Variants in TMBIM6 observed in about 807,000 individuals in gnomAD.
TMBIM6 encodes the protein bax inhibitor 1.
A neutral mutation model predicts 31.4 loss-of-function variants in TMBIM6; 13 were observed. That is an observed-to-expected ratio of 0.41 (90% CI 0.27 to 0.66). The LOEUF (loss-of-function observed/expected upper bound fraction) is 0.66. Ranked by LOEUF, TMBIM6 falls within the 30% of genes least tolerant of loss-of-function variation. The pLI, the probability that TMBIM6 is intolerant of heterozygous loss-of-function variation, is 0.28. For synonymous variants in TMBIM6, 85 were observed against 101.7 expected, an observed-to-expected ratio of 0.84 and a Z score of 0.99; for missense variants, 275 against 289.5, an observed-to-expected ratio of 0.95 and a Z score of 0.36.
intron 4 of TMBIM6, 82 bp downstream of exon 4, chr12:49,755,837 C>CT (rs369987981): frequency 0.15 from 158,693 of 1,085,422 alleles, 923 homozygotes; most frequent in African/African-American, 0.22. Flanking sequence ...CTTTTTTTTT[C>CT]TTTTTTTTTT....
At position 49,753,062 on chromosome 12, in the gene TMBIM6, T is replaced by G. The variant is rs1269636171; in HGVS notation, c.146T>G (p.Met49Arg). Residue 49 changes from methionine to arginine, a missense_variant, in exon 3 of 10, where the codon ATG (methionine) becomes AGG (arginine). Physicochemically the swap from Met to Arg is moderately conservative, Grantham distance 91. Coordinates refer to ENST00000267115, the MANE Select transcript of TMBIM6 (RefSeq NM_003217.3). The part of the protein sequence containing the change: ...FVAAAGAYVH[M>R]VTHFIQAGLL... ...GCGGCTGCAGGGGCCTATGTCCATA[T>G]GGTCACTCATTTCATTCAGGTAAGA... The G allele has an allele frequency of 6.2e-7, 1 of 1,613,916 alleles. No homozygotes were observed. Among genetic ancestry groups the G allele is most frequent in the Non-Finnish European group, 8.5e-7 (1 of 1,179,932 alleles).
intron 9 of TMBIM6, 178 bp downstream of exon 9, chr12:49,761,957 T>A: frequency 1.7e-6 from 1 of 595,600 alleles, no homozygotes; most frequent in Admixed American, 3.6e-5. Context: ...AAGCAGCAAG[T>A]GAAAAAAAAA....
chr12:49,756,144 T>A (rs1945588270), intron 4 of TMBIM6, among the ~76,000 whole-genome samples: 1 of 151,380 alleles, frequency 6.6e-6, no homozygotes, highest in Non-Finnish European at 1.5e-5. Context: ...TTTTTTTCCT[T>A]TTTTTTTGAG....
intron 1 of TMBIM6, among the ~76,000 whole-genome samples, chr12:49,745,724 C>CAAAAAAAA (rs761232522): frequency 1.1e-4 from 12 of 114,122 alleles, no homozygotes; most frequent in African/African-American, 3.5e-4. Context: ...GACTCTGTCT[C>CAAAAAAAA]AAAAAAAAAA....
chr12:49,763,030 TA>T lies in TMBIM6; in HGVS notation c.*135del, dbSNP rs1945749683. On this transcript the variant is annotated 3_prime_UTR_variant, in exon 10 of 10. Coordinates refer to ENST00000267115, the MANE Select transcript of TMBIM6 (RefSeq NM_003217.3). ...AGCTTTTGTACTTTGTGGTTTCCTC[TA>T]TTTTGAATTTTTTGATCAAAAAACT... The T allele has an allele frequency of 1.9e-6, 2 of 1,041,908 alleles. No individual in the cohort carries two copies. The highest frequency in any genetic ancestry group is 2.3e-5 in the Admixed American group (1 of 43,312). The allele number at this position is 1,041,908 out of a possible 1,614,324, so 64.5% of individuals were successfully genotyped here.
chr12:49,756,558 C>G (rs1157059331), intron 4 of TMBIM6, among the ~76,000 whole-genome samples: 1 of 150,622 alleles, frequency 6.6e-6, no homozygotes, highest in Admixed American at 6.6e-5. Context: ...ATTCCCCTTC[C>G]TCAGCCTCCC....
At chr12:49,750,262 G>T (rs556807694) in intron 1 of TMBIM6, among the ~76,000 whole-genome samples, 31 of 152,282 alleles carry the variant, frequency 2.0e-4, no homozygotes, top group African/African-American at 7.5e-4. Flanking sequence ...CATGAGCATT[G>T]CCTCTTTCTT....
At position 49,758,443 on chromosome 12, in the gene TMBIM6, A is replaced by G. The variant is rs1945648738; in HGVS notation, c.396A>G (p.Ala132=). The change falls in exon 6 of 10, where the codon GCA becomes GCG. Residue 132 remains alanine (A), a synonymous_variant. Transcript: ENST00000267115. ...TCTTTACCTGCTTCACCCTCAGTGC[A>G]CTCTATGCCAGGCGCCGTAGCTACC... is the stretch of plus-strand genomic sequence containing the variant. ...AMIFTCFTLS[A]LYARRRSYLF... 1 of 1,613,866 alleles carries G rather than the reference A, an allele frequency of 6.2e-7. No homozygotes were observed. The highest frequency in any genetic ancestry group is 8.5e-7 in the Non-Finnish European group (1 of 1,180,020).
chr12:49,758,943 T>C, intron 7 of TMBIM6, 181 bp downstream of exon 7: 2 of 659,274 alleles, frequency 3.0e-6, no homozygotes, highest in East Asian at 5.4e-5. Context: ...AGGTTGGGCA[T>C]TGCTAAGAGA....
Position 49,762,906 on chromosome 12 carries a change from C to T in TMBIM6, c.*10C>T. 1 of 1,611,810 alleles carries T rather than the reference C, an allele frequency of 6.2e-7. No homozygotes were observed. The highest frequency in any genetic ancestry group is 8.5e-7 in the Non-Finnish European group (1 of 1,178,086). On this transcript the variant is annotated 3_prime_UTR_variant, in exon 10 of 10. Transcript: ENST00000267115. ...GAAAGAGAAGAAATGAAGTGACCAT[C>T]CAGCCTTTCCCAATTAGACTTCCTC...
At chr12:49,756,505 G>T (rs1326733332) in intron 4 of TMBIM6, among the ~76,000 whole-genome samples, 1 of 144,756 alleles carries the variant, frequency 6.9e-6, no homozygotes, top group Non-Finnish European at 1.5e-5. Context: ...GTGCAGTGGC[G>T]AGATCTCAGC....
chr12:49,751,180 C>T lies in TMBIM6; in HGVS notation c.-30-1284C>T, dbSNP rs139276411. Among the ~76,000 whole-genome samples the T allele has an allele frequency of 1.6e-4, 25 of 152,240 alleles. No individual in the cohort carries two copies. In the East Asian group the frequency reaches 4.8e-3, roughly 29 times the overall value. ...ACTTTATGGTGTTGATATGATCTAA[C>T]CTGGATATAGTTCAGTTTAAAAATG... On this transcript the variant is annotated intron_variant, in intron 1 of 9. Transcript: ENST00000267115.
At chr12:49,743,095 C>A (rs1321832290) in intron 1 of TMBIM6, among the ~76,000 whole-genome samples, 1 of 151,546 alleles carries the variant, frequency 6.6e-6, no homozygotes, top group East Asian at 1.9e-4. Flanking sequence ...AGGTGATCCA[C>A]CCCAGCCTCC....
intron 8 of TMBIM6, among the ~76,000 whole-genome samples, chr12:49,759,566 A>C (rs916396065): frequency 6.6e-6 from 1 of 152,132 alleles, no homozygotes; most frequent in Non-Finnish European, 1.5e-5. Context: ...GCACTTTGGG[A>C]GGCTGAGGCC....
intron 1 of TMBIM6, among the ~76,000 whole-genome samples, chr12:49,749,238 C>CT (rs1037487034): frequency 6.6e-6 from 1 of 152,166 alleles, no homozygotes; most frequent in African/African-American, 2.4e-5. Context: ...CTAGAGCAAA[C>CT]TATCATATTT....
intron 2 of TMBIM6, 97 bp from the exon 3 acceptor site, chr12:49,752,876 A>T: frequency 8.8e-7 from 1 of 1,138,782 alleles, no homozygotes; most frequent in Non-Finnish European, 1.3e-6. Flanking sequence ...CAGAACTTTT[A>T]CATATTCCCA....
rs12308783 is a variant in TMBIM6, at chr12:49,758,045, A to C, written c.287-182A>C. ...GCAGCTATTTCTATAAAAAAAAAAA[A>C]AACAACGCAGTCAGGTATACATTTT... On this transcript the variant is annotated intron_variant, in intron 4 of 9. Transcript: ENST00000267115. Among the ~76,000 whole-genome samples, 403 of 152,322 alleles carry C rather than the reference A, an allele frequency of 2.6e-3. 2 individuals carry two copies. The highest frequency in any genetic ancestry group is 9.1e-3 in the African/African-American group (377 of 41,576).
intron 3 of TMBIM6, among the ~76,000 whole-genome samples, chr12:49,755,357 C>A (rs1230414891): frequency 6.6e-6 from 1 of 152,104 alleles, no homozygotes; most frequent in East Asian, 1.9e-4. Context: ...TTGGGCAAGA[C>A]TCACTCATAG....
At chr12:49,756,159 T>C (rs1945588684) in intron 4 of TMBIM6, among the ~76,000 whole-genome samples, 1 of 149,754 alleles carries the variant, frequency 6.7e-6, no homozygotes, top group Non-Finnish European at 1.5e-5. Flanking sequence ...TTTGAGACAG[T>C]GTCTCCGTCT....
Sources: allele counts gnomAD v4.1 joint callset (sites outside exome capture counted in the v4.1 genomes callset), GRCh38; gene constraint gnomAD v4.1.1; transcripts MANE v1.5; gene names NCBI Gene and HGNC (gene_info 2026-07-23, HGNC 2026-07-21).